CDAN1: variants seen among roughly 807,000 people sequenced by gnomAD.
CDAN1 encodes codanin-1.
A neutral mutation model predicts 139.8 loss-of-function variants in CDAN1; 107 were observed. That is an observed-to-expected ratio of 0.77 (90% CI 0.65 to 0.90). The LOEUF is 0.90. Among genes scored for constraint, CDAN1 ranks in the 40% least tolerant of loss-of-function variants. The pLI, the probability that CDAN1 is intolerant of heterozygous loss-of-function variation, is 0.00. For synonymous variants in CDAN1, 776 were observed against 660.6 expected, an observed-to-expected ratio of 1.17 and a Z score of -2.68; for missense variants, 1,667 against 1,575.7, an observed-to-expected ratio of 1.06 and a Z score of -0.98.
chr15:42,730,752 G>A lies in CDAN1; in HGVS notation c.2020C>T (p.Leu674=). The A allele has an allele frequency of 6.2e-7, 1 of 1,611,944 alleles. No homozygotes were observed. The highest frequency in any genetic ancestry group is 8.5e-7 in the Non-Finnish European group (1 of 1,178,980). The change falls in exon 14 of 28, where the codon CTG becomes TTG. Residue 674 remains leucine (L), a synonymous_variant. Transcript: ENST00000356231. ...CGCTGCAGCAGAGTCCGCACATCCA[G>A]GACCGGAGGGACCTGGGAGGGCCAG... ...LALRSQVPPV[L]DVRTLLQRGL... is the part of the protein sequence containing the mutation.
In CDAN1 at chr15:42,728,823, C is replaced by T. The variant is rs773630644; in HGVS notation, c.2646-13G>A. The T allele has an allele frequency of 6.2e-6, 10 of 1,614,136 alleles. No homozygotes were observed. The highest frequency in any genetic ancestry group is 6.8e-6 in the Non-Finnish European group (8 of 1,179,998). ...CACCAGTGTAGCCCTGCAGCAGGGA[C>T]AGCAAGGTTGGGGATGGTTGGAGGG... On this transcript the variant is annotated splice_polypyrimidine_tract_variant and intron_variant, in intron 19 of 27. Transcript: ENST00000356231.
chr15:42,733,951 A>G lies in CDAN1; in HGVS notation c.1354T>C (p.Phe452Leu). Reference sequence around the variant, plus strand: ...TTTTCTTATCACCTCTGTTTCTTAAAAGTATGAAAGGCTCGGTCACTGGAG... The same window carrying G: ...TTTTCTTATCACCTCTGTTTCTTAAGAGTATGAAAGGCTCGGTCACTGGAG... ...NFSSDRAFHT[F>L]KKQRDVFYEV... Residue 452 changes from phenylalanine (F) to leucine (L), a missense_variant, in exon 8 of 28, where the codon TTT becomes CTT. Coordinates refer to ENST00000356231, the MANE Select transcript of CDAN1 (RefSeq NM_138477.4). 1 of 1,613,068 alleles carries G rather than the reference A, an allele frequency of 6.2e-7. No homozygotes were observed. Among genetic ancestry groups the G allele is most frequent in the Non-Finnish European group, 8.5e-7 (1 of 1,179,010 alleles).
intron 26 of CDAN1, 104 bp from the exon 27 acceptor site, chr15:42,725,355 A>G: frequency 6.9e-7 from 1 of 1,459,542 alleles, no homozygotes; most frequent in Non-Finnish European, 9.6e-7. Context: ...GAGACTTGAG[A>G]TGGATAAATG....
chr15:42,728,001 C>G lies in CDAN1; in HGVS notation c.2901G>C (p.Gly967=), dbSNP rs1019306872. ...AAGCACAGGCTTTCTCTGTTGCAAG[C>G]CCCACAGCAATGTTCTCTGCACTGC... ...VLSSAENIAV[G]LATEKACAWL... The change falls in exon 22 of 28, where the codon GGG becomes GGC. Residue 967 remains glycine (G), a synonymous_variant. Coordinates refer to ENST00000356231, the MANE Select transcript of CDAN1 (RefSeq NM_138477.4). 1 of 1,614,050 alleles carries G rather than the reference C, an allele frequency of 6.2e-7. No individual in the cohort carries two copies. The highest frequency in any genetic ancestry group is 8.5e-7 in the Non-Finnish European group (1 of 1,180,028).
intron 10 of CDAN1, 80 bp from the exon 11 acceptor site, chr15:42,731,905 T>C (rs2061617956): frequency 7.8e-7 from 1 of 1,275,210 alleles, no homozygotes; most frequent in Non-Finnish European, 1.1e-6. Context: ...AAGGAGAAAG[T>C]AATGAACATT....
intron 25 of CDAN1, 101 bp from the exon 26 acceptor site, chr15:42,725,771 T>C: frequency 7.9e-7 from 1 of 1,263,962 alleles, no homozygotes; most frequent in Non-Finnish European, 1.1e-6. Context: ...GGTGGGCAGA[T>C]CAGGGGTTCG....
In CDAN1 at chr15:42,724,535, C is replaced by T. The variant is rs766708309; in HGVS notation, c.3640G>A (p.Glu1214Lys). 3.8e-6 allele frequency: 6 copies of T among 1,567,598 alleles called. No homozygotes were observed. The South Asian group carries it at 7.0e-5, about 18-fold the overall frequency. Residue 1214 changes from glutamate (E) to lysine (K), a missense_variant, in exon 28 of 28, where the codon GAG becomes AAG. Around this residue, in one of 3 missense-constraint regions of CDAN1, gnomAD observed 936 missense variants for 844.1 expected, o/e 1.11. Coordinates refer to ENST00000356231, the MANE Select transcript of CDAN1 (RefSeq NM_138477.4). ...GTGCCCCGGTTTGGCTGCACCAACT[C>T]ACAGGCTCTTAGCTGGGGTTCTGGC... ...HLPEPQLRACELVQPNRGTVL... is the reference protein window; with the variant it reads ...HLPEPQLRACKLVQPNRGTVL...
At position 42,736,524 on chromosome 15, in the gene CDAN1, G is replaced by A. The variant is rs1285524397; in HGVS notation, c.347C>T (p.Ala116Val). ...GCCCCGCCTCCTGCCCCCGCGGCGGGCCAGAGGGGCCTCGGCAGCGGTGCT... is the reference window on the plus strand; with the variant it reads ...GCCCCGCCTCCTGCCCCCGCGGCGGACCAGAGGGGCCTCGGCAGCGGTGCT... ...AQSTAAEAPLARRGGRRRGPG... is the reference protein window; with the variant it reads ...AQSTAAEAPLVRRGGRRRGPG... The change falls in exon 2 of 28, where the codon GCC (alanine) becomes GTC (valine). Residue 116 changes from alanine to valine, a missense_variant. Coordinates refer to ENST00000356231, the MANE Select transcript of CDAN1 (RefSeq NM_138477.4). The A allele has an allele frequency of 4.8e-6, 7 of 1,449,742 alleles. No individual in the cohort carries two copies. Among genetic ancestry groups the A allele is most frequent in the Non-Finnish European group, 6.3e-6 (7 of 1,103,260 alleles). The allele number at this position is 1,449,742 out of a possible 1,614,324, so 89.8% of individuals were successfully genotyped here.
At position 42,724,065 on chromosome 15, in the gene CDAN1, A is replaced by AGAC. The variant is rs1254635707; in HGVS notation, c.*423_*425dup. ...CCAGCTCCTGGTGATAAGAAAATGTAGACTCCCAAGATTCATGTTTTAACT... is the reference window on the plus strand; with the variant it reads ...CCAGCTCCTGGTGATAAGAAAATGTAGACGACTCCCAAGATTCATGTTTTAACT... On this transcript the variant is annotated 3_prime_UTR_variant, in exon 28 of 28. Coordinates refer to ENST00000356231, the MANE Select transcript of CDAN1 (RefSeq NM_138477.4). 6.6e-5 allele frequency: 18 copies of AGAC among 272,240 alleles called. No individual in the cohort carries two copies. The East Asian group carries it at 1.7e-3, about 26-fold the overall frequency. The allele number at this position is 272,240 out of a possible 1,614,324, so 16.9% of individuals were successfully genotyped here.
In CDAN1 at chr15:42,729,851, T is replaced by A; in HGVS notation, c.2297A>T (p.Glu766Val). Residue 766 changes from glutamate to valine, a missense_variant, in exon 16 of 28, where the codon GAA becomes GTA. By Grantham distance (121) the Glu-to-Val change is moderately radical. This residue lies in a region of CDAN1 where 936 missense variants were observed against 844.1 expected (regional missense o/e 1.11). Coordinates refer to ENST00000356231, the MANE Select transcript of CDAN1 (RefSeq NM_138477.4). ...PTVPEDLFFL[E>V]EGPSYAFEVD... ...CTCAAAGGCATATGAGGGACCCTCT[T>A]CCAGAAAGAACAAGTCCTCAGGGAC... 6.2e-7 allele frequency: 1 copy of A among 1,613,850 alleles called. No homozygotes were observed.
rs956771641 is a variant in CDAN1, at chr15:42,724,247, C to T, written c.*244G>A. On this transcript the variant is annotated 3_prime_UTR_variant, in exon 28 of 28. Coordinates refer to ENST00000356231, the MANE Select transcript of CDAN1 (RefSeq NM_138477.4). ...GTATCCAAGAGATAAACAAACACCACCTCTTCTACTCCAGGACTGGCATCT... is the reference window on the plus strand; with the variant it reads ...GTATCCAAGAGATAAACAAACACCATCTCTTCTACTCCAGGACTGGCATCT... 11 of 517,564 alleles carry T rather than the reference C, an allele frequency of 2.1e-5. No individual in the cohort carries two copies. Among genetic ancestry groups the T allele is most frequent in the Non-Finnish European group, 3.5e-5 (10 of 283,632 alleles). 32.1% of individuals were successfully genotyped at this position (517,564 alleles called of 1,614,324 possible). A position where few individuals can be genotyped will look rare whatever the true frequency, so the allele number is the denominator to read the frequency against.
In CDAN1 at chr15:42,730,671, A is replaced by G. The variant is rs144339527; in HGVS notation, c.2101T>C (p.Ser701Pro). 3.7e-6 allele frequency: 6 copies of G among 1,614,020 alleles called. No homozygotes were observed. Among genetic ancestry groups the G allele is most frequent in the Non-Finnish European group, 5.1e-6 (6 of 1,180,036 alleles). ...AAGGGAACAACATGGTCAGCAAAGG[A>G]GAGAAACTCCACCAGCCAGGGCACG... ...LTVPWLVEFLSFADHVVPLLE... is the reference protein window; with the variant it reads ...LTVPWLVEFLPFADHVVPLLE... Residue 701 changes from serine to proline, a missense_variant, in exon 14 of 28, where the codon TCC (serine) becomes CCC (proline). By Grantham distance (74) the Ser-to-Pro change is moderately conservative. Coordinates refer to ENST00000356231, the MANE Select transcript of CDAN1 (RefSeq NM_138477.4).
In CDAN1 at chr15:42,736,547, G is replaced by A. The variant is rs945794101; in HGVS notation, c.324C>T (p.Ser108=). 2.0e-5 allele frequency: 30 copies of A among 1,480,646 alleles called. No individual in the cohort carries two copies. Among genetic ancestry groups the A allele is most frequent in the Middle Eastern group, 4.3e-4 (2 of 4,698 alleles). The allele number at this position is 1,480,646 out of a possible 1,614,324, so 91.7% of individuals were successfully genotyped here. A position where few individuals can be genotyped will look rare whatever the true frequency, so the allele number is the denominator to read the frequency against. The stretch of plus-strand genomic sequence containing the variant: ...GGGCCAGAGGGGCCTCGGCAGCGGT[G>A]CTCTGGGCCTCGGTCGGAGGGAAAA... ...SQLFPPTEAQ[S]TAAEAPLARR... Residue 108 remains serine, a synonymous_variant, in exon 2 of 28, where the codon AGC becomes AGT. Transcript: ENST00000356231.
chr15:42,735,479 C>T, intron 4 of CDAN1, 31 bp downstream of exon 4: 1 of 1,612,220 alleles, frequency 6.2e-7, no homozygotes, highest in Non-Finnish European at 8.5e-7. Context: ...CTACAAGTGT[C>T]TCCACTCCCG....
At chr15:42,731,137 A>G (rs2061605248) in intron 12 of CDAN1, 66 bp from the exon 13 acceptor site, 1 of 1,614,094 alleles carries the variant, frequency 6.2e-7, no homozygotes, top group Non-Finnish European at 8.5e-7. Context: ...CCGATCTGTT[A>G]TAAAGTTTTT....
chr15:42,731,357 T>C (rs1489748894), intron 11 of CDAN1, 26 bp from the exon 12 acceptor site: 2 of 1,612,494 alleles, frequency 1.2e-6, no homozygotes, highest in Non-Finnish European at 1.7e-6. Context: ...GGGTGGGGCA[T>C]AAGCACTGGA....
chr15:42,734,298 A>G lies in CDAN1; in HGVS notation c.1185T>C (p.Asn395=). ...DKGTLKLLAE[N]ERLLCFSPAL... ...CTGGTGAGAAGCACAGCAGCCGCTC[A>G]TTCTCAGCCAGCAGCTTCAAGGTCC... The change falls in exon 7 of 28, where the codon AAT becomes AAC. Residue 395 remains asparagine (N), a synonymous_variant. Transcript: ENST00000356231. 6.2e-7 allele frequency: 1 copy of G among 1,614,162 alleles called. No homozygotes were observed.
At chr15:42,728,131 G>A (rs938755549) in intron 21 of CDAN1, 73 bp downstream of exon 21, 35 of 1,587,084 alleles carry the variant, frequency 2.2e-5, no homozygotes, top group Admixed American at 1.7e-4. Context: ...ACACCCTCCC[G>A]CAGCCTCAGA....
chr15:42,734,779 CTTTT>C (rs11434933), intron 6 of CDAN1, among the ~76,000 whole-genome samples: 12 of 110,522 alleles, frequency 1.1e-4, no homozygotes, highest in African/African-American at 2.0e-4. Flanking sequence ...CACACCCGGC[CTTTT>C]TTTTTTTTTT....
Sources: allele counts gnomAD v4.1 joint callset (sites outside exome capture counted in the v4.1 genomes callset), GRCh38; gene constraint gnomAD v4.1.1; regional missense constraint gnomAD v4.1.1; transcripts MANE v1.5; gene names NCBI Gene and HGNC (gene_info 2026-07-23, HGNC 2026-07-21).